PRKN: variants seen among roughly 807,000 people sequenced by gnomAD.
The protein encoded by PRKN is E3 ubiquitin-protein ligase parkin.
Under a neutral mutation model 59.5 loss-of-function variants are expected in PRKN, and 56 were observed. That is an observed-to-expected ratio of 0.94 (90% CI 0.76 to 1.18). The LOEUF is 1.18. Among genes scored for constraint, PRKN ranks in the 50% most tolerant of loss-of-function variants. The pLI is 0.00. For missense variants in PRKN, 657 were observed against 596.4 expected (o/e 1.10, Z -1.06); for synonymous variants, 250 against 222.1 (o/e 1.13, Z -1.12).
intron 1 of PRKN, among the ~76,000 whole-genome samples, chr6:162,680,338 G>A (rs1003015760): frequency 4.0e-5 from 6 of 150,624 alleles, no homozygotes; most frequent in African/African-American, 1.2e-4. Context: ...TATATGTACT[G>A]TATGTGTGTG....
At chr6:162,315,634 T>A (rs1314376541) in intron 2 of PRKN, among the ~76,000 whole-genome samples, 1 of 152,196 alleles carries the variant, frequency 6.6e-6, no homozygotes, top group African/African-American at 2.4e-5. Context: ...TACTTCTCCA[T>A]GGGCATTCAC....
intron 4 of PRKN, among the ~76,000 whole-genome samples, chr6:162,128,364 G>A (rs559963926): frequency 1.3e-5 from 2 of 152,260 alleles, no homozygotes; most frequent in South Asian, 2.1e-4. Flanking sequence ...CATACAGCCT[G>A]AAGATACACT....
At chr6:162,616,063 A>G (rs1782397020) in intron 1 of PRKN, among the ~76,000 whole-genome samples, 1 of 152,190 alleles carries the variant, frequency 6.6e-6, no homozygotes. Flanking sequence ...GAACCTCCTA[A>G]CTCATGGCTC....
chr6:161,439,653 G>C (rs1278245884), intron 9 of PRKN, among the ~76,000 whole-genome samples: 1 of 152,246 alleles, frequency 6.6e-6, no homozygotes, highest in Non-Finnish European at 1.5e-5. Flanking sequence ...AACTAAACCG[G>C]TTTGTGCCAA....
chr6:161,670,937 A>G (rs1455475420), intron 7 of PRKN, among the ~76,000 whole-genome samples: 1 of 152,198 alleles, frequency 6.6e-6, no homozygotes, highest in Non-Finnish European at 1.5e-5. Context: ...ATAAAGGCAC[A>G]TTCATGGGTG....
intron 6 of PRKN, among the ~76,000 whole-genome samples, chr6:161,864,792 G>A (rs1483159033): frequency 1.4e-5 from 1 of 69,346 alleles, no homozygotes; most frequent in East Asian, 2.8e-4. Flanking sequence ...GAGTAGCTGG[G>A]ATTACAGTCG....
At chr6:162,647,244 C>T (rs1472310210) in intron 1 of PRKN, among the ~76,000 whole-genome samples, 1 of 151,846 alleles carries the variant, frequency 6.6e-6, no homozygotes, top group Admixed American at 6.6e-5. Context: ...AATCCAAATA[C>T]ATGCATCTTA....
In PRKN at chr6:161,378,380, C is replaced by T. The variant is rs1399389635; in HGVS notation, c.1167+8414G>A. Among the ~76,000 whole-genome samples the T allele has an allele frequency of 6.6e-6, 1 of 152,182 alleles. No homozygotes were observed. Among genetic ancestry groups the T allele is most frequent in the Non-Finnish European group, 1.5e-5 (1 of 68,034 alleles). ...CTCGGGCATCCCCCCATCTGCCACA[C>T]CGCCAACATTCAACCTGCCGGCAAC... On this transcript the variant is annotated intron_variant, in intron 10 of 11. Coordinates refer to ENST00000366898, the MANE Select transcript of PRKN (RefSeq NM_004562.3). This position sits in a 1 kb window ranked among gnomAD's most constrained non-coding sequence, Gnocchi z 7.3.
At chr6:162,095,150 A>G (rs1779673941) in intron 4 of PRKN, among the ~76,000 whole-genome samples, 1 of 152,184 alleles carries the variant, frequency 6.6e-6, no homozygotes, top group African/African-American at 2.4e-5. Context: ...GAATTACTAC[A>G]AGTGAATTCT....
chr6:162,210,792 C>G (rs1476394050), intron 3 of PRKN, among the ~76,000 whole-genome samples: 1 of 151,576 alleles, frequency 6.6e-6, no homozygotes, highest in Non-Finnish European at 1.5e-5. Flanking sequence ...ATGATCTAGT[C>G]CAGTTGATAA....
intron 9 of PRKN, among the ~76,000 whole-genome samples, chr6:161,501,589 G>T (rs117037122): frequency 0.023 from 3,468 of 151,814 alleles, 57 homozygotes; most frequent in Non-Finnish European, 0.036. Context: ...TTAATGGTTG[G>T]TCTGTTTCCA....
At chr6:161,835,791 G>A (rs1049240860) in intron 6 of PRKN, among the ~76,000 whole-genome samples, 1 of 152,158 alleles carries the variant, frequency 6.6e-6, no homozygotes, top group Non-Finnish European at 1.5e-5. Context: ...TCCCGGGCAT[G>A]GGTGACCCCT....
At chr6:162,319,798 C>G (rs1043260001) in intron 2 of PRKN, among the ~76,000 whole-genome samples, 2 of 151,922 alleles carry the variant, frequency 1.3e-5, no homozygotes, top group Admixed American at 1.3e-4. Flanking sequence ...AATACATACA[C>G]AAATACACAA....
intron 9 of PRKN, among the ~76,000 whole-genome samples, chr6:161,520,226 A>ATTTTTTT (rs56073676): frequency 2.4e-4 from 31 of 131,316 alleles, no homozygotes; most frequent in East Asian, 4.5e-4. Context: ...CTCTCTATGC[A>ATTTTTTT]TTTTTTTTTT....
At chr6:162,583,145 T>C (rs1780854432) in intron 1 of PRKN, among the ~76,000 whole-genome samples, 1 of 152,192 alleles carries the variant, frequency 6.6e-6, no homozygotes, top group South Asian at 2.1e-4. Context: ...AGGTGCCACC[T>C]TGGAAGAAGA....
chr6:161,976,697 G>A (rs1033469399), intron 5 of PRKN, among the ~76,000 whole-genome samples: 1 of 152,144 alleles, frequency 6.6e-6, no homozygotes, highest in Non-Finnish European at 1.5e-5. Flanking sequence ...AATACGCTGA[G>A]CTAGCTACGA....
chr6:162,528,943 T>C (rs1452112907), intron 1 of PRKN, among the ~76,000 whole-genome samples: 1 of 152,164 alleles, frequency 6.6e-6, no homozygotes, highest in Non-Finnish European at 1.5e-5. Context: ...AGTGGCGTGA[T>C]CTCGGCTCAC....
At chr6:162,018,610 T>G (rs1783017954) in intron 5 of PRKN, among the ~76,000 whole-genome samples, 1 of 152,194 alleles carries the variant, frequency 6.6e-6, no homozygotes, top group African/African-American at 2.4e-5. Flanking sequence ...CAGGAATGAT[T>G]TACAATTAGT....
intron 7 of PRKN, among the ~76,000 whole-genome samples, chr6:161,700,590 T>C (rs1403374768): frequency 1.3e-5 from 2 of 152,158 alleles, no homozygotes; most frequent in African/African-American, 4.8e-5. Flanking sequence ...AATTTAAGGA[T>C]ATGTCCAACT....
Sources: gnomAD v4.1 joint callset for allele counts (sites outside exome capture counted in the v4.1 genomes callset) on GRCh38, gnomAD v4.1.1 for gene constraint, Gnocchi (gnomAD v3.1) non-coding constraint, MANE v1.5 for transcripts, NCBI Gene and HGNC (gene_info 2026-07-23, HGNC 2026-07-21) for gene names.